Variants in MAP3K5 observed in about 807,000 individuals in gnomAD.
MAP3K5 encodes the protein mitogen-activated protein kinase kinase kinase 5, also known as ASK-1.
Under a neutral mutation model 158.7 loss-of-function variants are expected in MAP3K5, and 56 were observed. The observed-to-expected ratio is 0.35, with a 90% CI of 0.28 to 0.44. MAP3K5 has a LOEUF of 0.44. Ranked by LOEUF, MAP3K5 falls within the 20% of genes least tolerant of loss-of-function variation. The pLI is 1.00. For missense variants in MAP3K5, 1,294 were observed against 1,674.8 expected, an observed-to-expected ratio of 0.77 and a Z score of 3.97; for synonymous variants, 579 against 601.7, an observed-to-expected ratio of 0.96 and a Z score of 0.55.
chr6:136,637,689 C>T (rs1161596233), intron 13 of MAP3K5, among the ~76,000 whole-genome samples: 11 of 151,046 alleles, frequency 7.3e-5, no homozygotes, highest in African/African-American at 2.4e-4. Flanking sequence ...GAGACCATTT[C>T]AGAGACAAGC....
At chr6:136,780,149 G>T (rs1784559002) in intron 1 of MAP3K5, among the ~76,000 whole-genome samples, 1 of 152,140 alleles carries the variant, frequency 6.6e-6, no homozygotes, top group Non-Finnish European at 1.5e-5. Context: ...ATTTTAAAGG[G>T]GTGTGTACCT....
At chr6:136,608,667 C>T (rs1039234446) in intron 18 of MAP3K5, among the ~76,000 whole-genome samples, 2 of 152,122 alleles carry the variant, frequency 1.3e-5, no homozygotes, top group African/African-American at 4.8e-5. Flanking sequence ...AGCTTTGTGA[C>T]CTTGGGCAAG....
At chr6:136,593,650 G>C (rs767378127) in intron 21 of MAP3K5, 2 of 394,274 alleles carry the variant, frequency 5.1e-6, no homozygotes, top group South Asian at 1.9e-5. Context: ...CACTCCTAAT[G>C]AGAGAAACGG....
chr6:136,662,727 C>A (rs113518592), intron 8 of MAP3K5, among the ~76,000 whole-genome samples: 5,599 of 152,226 alleles, frequency 0.037, 376 homozygotes, highest in African/African-American at 0.13. Flanking sequence ...GGCTCTTCAT[C>A]CATACAGAAA....
chr6:136,580,511 T>C (rs374430395), intron 24 of MAP3K5, 105 bp from the exon 25 acceptor site: 70 of 621,944 alleles, frequency 1.1e-4, no homozygotes, highest in African/African-American at 9.8e-4. Flanking sequence ...CTAAAAAGTT[T>C]CTTCAACTTG....
At chr6:136,603,339 A>AT (rs746959147) in intron 19 of MAP3K5, among the ~76,000 whole-genome samples, 2,434 of 132,946 alleles carry the variant, frequency 0.018, 67 homozygotes, top group African/African-American at 0.056. Flanking sequence ...TGCCCCCCTA[A>AT]TTTTTTTTTT....
chr6:136,697,833 C>T (rs2114672940), intron 4 of MAP3K5, among the ~76,000 whole-genome samples: 1 of 152,296 alleles, frequency 6.6e-6, no homozygotes, highest in South Asian at 2.1e-4. Context: ...CAACCTCCAT[C>T]TCCTGGGTTC....
At chr6:136,652,490 G>A (rs1306731051) in intron 10 of MAP3K5, among the ~76,000 whole-genome samples, 1 of 152,086 alleles carries the variant, frequency 6.6e-6, no homozygotes, top group Non-Finnish European at 1.5e-5. Context: ...GATGAATAAT[G>A]AAAATCATTT....
In MAP3K5 at chr6:136,792,045, A is replaced by C. The variant is rs1346689102; in HGVS notation, c.113T>G (p.Val38Gly). The C allele has an allele frequency of 3.2e-5, 49 of 1,515,888 alleles. No homozygotes were observed. Among genetic ancestry groups the C allele is most frequent in the East Asian group, 7.7e-5 (3 of 39,002 alleles). The allele number at this position is 1,515,888 out of a possible 1,614,324, so 93.9% of individuals were successfully genotyped here. The change falls in exon 1 of 30, where the codon GTG becomes GGG. Residue 38 changes from valine to glycine, a missense_variant. Val to Gly is a moderately radical substitution (Grantham distance 109). Transcript: ENST00000359015. The surrounding 1 kb of genome is among the most constrained non-coding windows in gnomAD (Gnocchi z 5.7). ...GICRRGGAAA[V>G]GEGEEHQLPP... is the part of the protein sequence containing the mutation. Reference sequence around the variant, plus strand: ...CAGCTGGTGCTCCTCGCCCTCGCCCACCGCCGCCGCTCCTCCCCTCCTGCA... The same window carrying C: ...CAGCTGGTGCTCCTCGCCCTCGCCCCCCGCCGCCGCTCCTCCCCTCCTGCA...
At chr6:136,700,778 T>A (rs1021069234) in intron 3 of MAP3K5, among the ~76,000 whole-genome samples, 4 of 151,806 alleles carry the variant, frequency 2.6e-5, no homozygotes, top group African/African-American at 9.7e-5. Flanking sequence ...TATGGTAGAA[T>A]CAAAAGAAGT....
chr6:136,700,858 C>T (rs1780822898), intron 3 of MAP3K5, among the ~76,000 whole-genome samples: 1 of 152,180 alleles, frequency 6.6e-6, no homozygotes, highest in Non-Finnish European at 1.5e-5. Flanking sequence ...ATACGTGGGA[C>T]ACCCGACTAC....
intron 18 of MAP3K5, among the ~76,000 whole-genome samples, chr6:136,608,922 G>C (rs1257953462): frequency 2.6e-5 from 4 of 152,178 alleles, no homozygotes; most frequent in Non-Finnish European, 5.9e-5. Context: ...CTGGGACTTA[G>C]TGACCACCAA....
chr6:136,664,536 T>C (rs578134027), intron 8 of MAP3K5, among the ~76,000 whole-genome samples: 1 of 152,346 alleles, frequency 6.6e-6, no homozygotes, highest in East Asian at 1.9e-4. Flanking sequence ...GCTCACCTTC[T>C]GATCTGTCTG....
At chr6:136,642,594 C>G in intron 11 of MAP3K5, 25 bp from the exon 12 acceptor site, 1 of 1,473,546 alleles carries the variant, frequency 6.8e-7, no homozygotes, top group Non-Finnish European at 9.5e-7. Context: ...AGAAAATATA[C>G]TGAGTCATCC....
At chr6:136,637,008 T>C (rs1215373187) in intron 14 of MAP3K5, 7 of 1,092,894 alleles carry the variant, frequency 6.4e-6, no homozygotes, top group Admixed American at 4.9e-5. Context: ...TTTGTCTGAA[T>C]TGCACATATC....
chr6:136,765,679 A>ATTTTTTTT (rs780589836), intron 1 of MAP3K5, among the ~76,000 whole-genome samples: 30 of 120,004 alleles, frequency 2.5e-4, no homozygotes, highest in African/African-American at 3.8e-4. Context: ...TGCCTGGCTA[A>ATTTTTTTT]TTTTTTTTTT....
At position 136,558,823 on chromosome 6, in the gene MAP3K5, A is replaced by G; in HGVS notation, c.4041T>C (p.Asp1347=). 6.2e-7 allele frequency: 1 copy of G among 1,604,888 alleles called. No homozygotes were observed. Among genetic ancestry groups the G allele is most frequent in the Non-Finnish European group, 8.5e-7 (1 of 1,172,016 alleles). ...LLDVLYYVTR[D]DLKCLRLRGG... ...ACCTTAGTCTCAAGCATTTTAAGTCATCACGTGTAACATAGTAGAGAACAT... is the reference window on the plus strand; with the variant it reads ...ACCTTAGTCTCAAGCATTTTAAGTCGTCACGTGTAACATAGTAGAGAACAT... Residue 1347 remains aspartate (D), a synonymous_variant, in exon 29 of 30, where the codon GAT becomes GAC. Coordinates refer to ENST00000359015, the MANE Select transcript of MAP3K5 (RefSeq NM_005923.4).
At chr6:136,744,525 G>C (rs1209336583) in intron 1 of MAP3K5, among the ~76,000 whole-genome samples, 1 of 152,082 alleles carries the variant, frequency 6.6e-6, no homozygotes, top group African/African-American at 2.4e-5. Flanking sequence ...GTGCTGGAAG[G>C]AGGACCTAGT....
intron 7 of MAP3K5, among the ~76,000 whole-genome samples, chr6:136,674,372 G>A (rs1389880311): frequency 6.6e-6 from 1 of 151,920 alleles, no homozygotes; most frequent in Non-Finnish European, 1.5e-5. Flanking sequence ...TGTTCAGGAA[G>A]CAGTAAAATA....
Sources: gnomAD v4.1 joint callset for allele counts (sites outside exome capture counted in the v4.1 genomes callset) on GRCh38, gnomAD v4.1.1 for gene constraint, Gnocchi (gnomAD v3.1) non-coding constraint, MANE v1.5 for transcripts, NCBI Gene and HGNC (gene_info 2026-07-23, HGNC 2026-07-21) for gene names.